The following PIK3C3 variants were observed in gnomAD, a reference collection of about 807,000 sequenced individuals.
The protein encoded by PIK3C3 is PI3-kinase type 3.
Under a neutral mutation model 126.1 loss-of-function variants are expected in PIK3C3, and 95 were observed. The ratio of observed to expected loss-of-function variants is 0.75; its 90% CI spans 0.64 to 0.89. The LOEUF is 0.89. PIK3C3 is among the 40% of genes least tolerant of loss of function. The pLI is 0.00. For missense variants in PIK3C3, 829 were observed against 1,063.2 expected, an observed-to-expected ratio of 0.78 and a Z score of 3.06; for synonymous variants, 374 against 360.0, an observed-to-expected ratio of 1.04 and a Z score of -0.44.
intron 23 of PIK3C3, among the ~76,000 whole-genome samples, chr18:42,065,131 T>TG (rs1985481580): frequency 6.6e-6 from 1 of 152,214 alleles, no homozygotes; most frequent in African/African-American, 2.4e-5. Context: ...CCAGCTACAA[T>TG]GAATCTTCAC....
At chr18:41,994,297 G>C (rs930390005) in intron 7 of PIK3C3, among the ~76,000 whole-genome samples, 5 of 152,146 alleles carry the variant, frequency 3.3e-5, no homozygotes, top group African/African-American at 1.2e-4. Flanking sequence ...GTAGAATCCA[G>C]TTAATCCCAA....
At chr18:42,015,383 C>T in intron 11 of PIK3C3, 93 bp from the exon 12 acceptor site, 1 of 884,850 alleles carries the variant, frequency 1.1e-6, no homozygotes, top group Non-Finnish European at 1.9e-6. Flanking sequence ...ATTAACTAGA[C>T]ACAATTGAAG....
At chr18:42,051,667 C>G (rs559723263) in intron 21 of PIK3C3, among the ~76,000 whole-genome samples, 1 of 152,146 alleles carries the variant, frequency 6.6e-6, no homozygotes, top group South Asian at 2.1e-4. Context: ...GGCTGATTTG[C>G]TCATTTAGCA....
At chr18:42,042,099 C>A (rs943182486) in intron 19 of PIK3C3, among the ~76,000 whole-genome samples, 1 of 152,176 alleles carries the variant, frequency 6.6e-6, no homozygotes, top group Non-Finnish European at 1.5e-5. Flanking sequence ...AATCCACTTT[C>A]CTTCTGGGAG....
intron 9 of PIK3C3, among the ~76,000 whole-genome samples, chr18:41,997,256 T>C (rs957201817): frequency 6.6e-6 from 1 of 152,062 alleles, no homozygotes; most frequent in Non-Finnish European, 1.5e-5. Context: ...ATGAGAAATA[T>C]AATTTGAGAT....
chr18:42,027,500 T>C lies in PIK3C3; in HGVS notation c.1542T>C (p.His514=). The C allele has an allele frequency of 1.9e-6, 3 of 1,606,694 alleles. No individual in the cohort carries two copies. Among genetic ancestry groups the C allele is most frequent in the Non-Finnish European group, 2.6e-6 (3 of 1,173,598 alleles). ...CTCAGCAGAGAGATCCAAAGACCCA[T>C]GAGATGTACTTGAACGTAATGAGAA... ...QDTQQRDPKT[H]EMYLNVMRRF... The change falls in exon 14 of 25, where the codon CAT becomes CAC. Residue 514 remains histidine, a synonymous_variant. Coordinates refer to ENST00000262039, the MANE Select transcript of PIK3C3 (RefSeq NM_002647.4).
intron 15 of PIK3C3, among the ~76,000 whole-genome samples, chr18:42,030,122 AT>A (rs1259155139): frequency 1.3e-5 from 2 of 152,194 alleles, no homozygotes; most frequent in Non-Finnish European, 2.9e-5. Context: ...GCAAATTAGA[AT>A]ATACAATATA....
At chr18:41,997,505 G>A (rs1173931139) in intron 9 of PIK3C3, among the ~76,000 whole-genome samples, 3 of 152,060 alleles carry the variant, frequency 2.0e-5, no homozygotes, top group Admixed American at 2.0e-4. Flanking sequence ...GCCTGTATAA[G>A]CTTTAGTTTT....
chr18:41,993,910 G>T (rs560190130), intron 7 of PIK3C3, among the ~76,000 whole-genome samples: 2 of 152,252 alleles, frequency 1.3e-5, no homozygotes, highest in Admixed American at 1.3e-4. Flanking sequence ...CAATGCAAAA[G>T]AGGTTTAATT....
chr18:42,075,009 A>G (rs1169495318), intron 24 of PIK3C3, among the ~76,000 whole-genome samples: 1 of 152,184 alleles, frequency 6.6e-6, no homozygotes, highest in Non-Finnish European at 1.5e-5. Context: ...CACTCAGTAT[A>G]TGTAATTCAT....
chr18:42,027,450 A>G lies in PIK3C3; in HGVS notation c.1492A>G (p.Ile498Val), dbSNP rs1983621903. The change falls in exon 14 of 25, where the codon ATA becomes GTA. Residue 498 changes from isoleucine to valine, a missense_variant. Physicochemically the swap from Ile to Val is conservative, Grantham distance 29. This residue lies in a region of PIK3C3 where 256 missense variants were observed against 291.0 expected (regional missense o/e 0.88). Transcript: ENST00000262039. ...GCTCAAACTATTTTTAAGGTATGTG[A>G]TAGTGGAATGTGAAGATCAAGATAC... Reference protein sequence around the residue: ...TLANYLYWYVIVECEDQDTQQ... With the variant: ...TLANYLYWYVVVECEDQDTQQ... The G allele has an allele frequency of 3.1e-6, 5 of 1,589,516 alleles. No homozygotes were observed. Among genetic ancestry groups the G allele is most frequent in the South Asian group, 1.1e-5 (1 of 90,204 alleles).
chr18:41,992,974 T>G (rs1170997816), intron 6 of PIK3C3, among the ~76,000 whole-genome samples: 1 of 152,110 alleles, frequency 6.6e-6, no homozygotes, highest in Admixed American at 6.6e-5. Context: ...TGTCATTATA[T>G]GAACGAAGTT....
chr18:42,056,703 G>T (rs1985081085), intron 21 of PIK3C3, among the ~76,000 whole-genome samples: 2 of 152,064 alleles, frequency 1.3e-5, no homozygotes, highest in Admixed American at 1.3e-4. Flanking sequence ...GCTTAGCTTA[G>T]TTGAACAGAG....
chr18:42,015,886 G>T (rs1220341215), intron 12 of PIK3C3, among the ~76,000 whole-genome samples: 2 of 152,096 alleles, frequency 1.3e-5, no homozygotes, highest in Non-Finnish European at 1.5e-5. Flanking sequence ...TGTAATTGTT[G>T]TCAGTGCTTG....
chr18:42,077,918 C>G (rs890252206), intron 24 of PIK3C3, among the ~76,000 whole-genome samples: 1 of 152,156 alleles, frequency 6.6e-6, no homozygotes, highest in Non-Finnish European at 1.5e-5. Context: ...TAGAGTAACT[C>G]CATGATCCAT....
intron 16 of PIK3C3, among the ~76,000 whole-genome samples, chr18:42,035,280 G>A (rs1983999141): frequency 6.6e-6 from 1 of 152,090 alleles, no homozygotes; most frequent in Non-Finnish European, 1.5e-5. Context: ...AAGAAGACCA[G>A]CTTCTAATAT....
chr18:42,086,158 G>A lies in PIK3C3; in HGVS notation c.*5021G>A, dbSNP rs1986395089. On this transcript the variant is annotated 3_prime_UTR_variant, in exon 25 of 25. Coordinates refer to ENST00000262039, the MANE Select transcript of PIK3C3 (RefSeq NM_002647.4). Reference sequence around the variant, plus strand: ...AATTTCACTAGAATTTATATCTTCAGTGTTTGCATTAGATTGTCACCAGCA... The same window carrying A: ...AATTTCACTAGAATTTATATCTTCAATGTTTGCATTAGATTGTCACCAGCA... 6.6e-6 allele frequency: 1 copy of A among 152,154 alleles called. No homozygotes were observed. The highest frequency in any genetic ancestry group is 6.5e-5 in the Admixed American group (1 of 15,270). 9.4% of individuals were successfully genotyped at this position (152,154 alleles called of 1,614,324 possible).
At chr18:42,076,458 C>T (rs114263111) in intron 24 of PIK3C3, among the ~76,000 whole-genome samples, 1,600 of 152,000 alleles carry the variant, frequency 0.011, 34 homozygotes, top group African/African-American at 0.037. Context: ...AGCTGTTAAT[C>T]CAAGATAAAT....
rs1250414672 is a variant in PIK3C3, at chr18:42,004,587, A to G, written c.1170+46A>G. 7 of 1,427,712 alleles carry G rather than the reference A, an allele frequency of 4.9e-6. No homozygotes were observed. In the African/African-American group the frequency reaches 8.6e-5, roughly 18 times the overall value. 88.4% of individuals were successfully genotyped at this position (1,427,712 alleles called of 1,614,324 possible). A position where few individuals can be genotyped will look rare whatever the true frequency, so the allele number is the denominator to read the frequency against. On this transcript the variant is annotated intron_variant, in intron 10 of 24. Coordinates refer to ENST00000262039, the MANE Select transcript of PIK3C3 (RefSeq NM_002647.4). ...CTGCTTCAATGGGTCATTTTAAACTAGAGCCTAATTATAAACTATGTGTGT... is the reference window on the plus strand; with the variant it reads ...CTGCTTCAATGGGTCATTTTAAACTGGAGCCTAATTATAAACTATGTGTGT...
Sources: gnomAD v4.1 joint callset for allele counts (sites outside exome capture counted in the v4.1 genomes callset) on GRCh38, gnomAD v4.1.1 for gene constraint, gnomAD v4.1.1 regional missense constraint, MANE v1.5 for transcripts, NCBI Gene and HGNC (gene_info 2026-07-23, HGNC 2026-07-21) for gene names.